CLEC19A: variants seen among roughly 807,000 people sequenced by gnomAD.
CLEC19A encodes C-type lectin domain family 19 member A.
In CLEC19A, 21 loss-of-function variants were observed where a neutral mutation model predicts 26.1. That is an observed-to-expected ratio of 0.80 (90% confidence interval 0.57 to 1.16). The LOEUF (loss-of-function observed/expected upper bound fraction) is 1.16. Ranked by LOEUF, CLEC19A falls within the 50% of genes most tolerant of loss-of-function variation. CLEC19A has a pLI of 0.00. For synonymous variants in CLEC19A, 89 were observed against 88.6 expected, an observed-to-expected ratio of 1.00 and a Z score of -0.03; for missense variants, 224 against 227.6, an observed-to-expected ratio of 0.98 and a Z score of 0.10.
At chr16:19,294,491 C>G (rs1384448580) in intron 1 of CLEC19A, among the ~76,000 whole-genome samples, 1 of 152,188 alleles carries the variant, frequency 6.6e-6, no homozygotes, top group Non-Finnish European at 1.5e-5. Context: ...AAACTTGAAC[C>G]CTTTCTTAGT....
chr16:19,287,456 G>C (rs1444260030), intron 1 of CLEC19A, among the ~76,000 whole-genome samples: 1 of 152,194 alleles, frequency 6.6e-6, no homozygotes, highest in East Asian at 1.9e-4. Flanking sequence ...TATGAATTGG[G>C]GGCAGGGAAG....
chr16:19,300,572 G>A (rs932005179), intron 2 of CLEC19A, among the ~76,000 whole-genome samples: 9 of 151,502 alleles, frequency 5.9e-5, no homozygotes, highest in African/African-American at 1.7e-4. Flanking sequence ...AATAGAGAAG[G>A]AGTATTTTAT....
chr16:19,308,668 A>C (rs1324568094), intron 4 of CLEC19A, among the ~76,000 whole-genome samples: 1 of 152,194 alleles, frequency 6.6e-6, no homozygotes, highest in Non-Finnish European at 1.5e-5. Flanking sequence ...CCAGACACTT[A>C]ATTGTTATTC....
At chr16:19,305,762 G>A (rs1195940001) in intron 3 of CLEC19A, among the ~76,000 whole-genome samples, 1 of 152,196 alleles carries the variant, frequency 6.6e-6, no homozygotes, top group Non-Finnish European at 1.5e-5. Flanking sequence ...AACTCATTAA[G>A]GATGATGAAT....
At chr16:19,301,736 G>GTTTTTTTTGTTTTT (rs1897829512) in intron 2 of CLEC19A, among the ~76,000 whole-genome samples, 2 of 81,496 alleles carry the variant, frequency 2.5e-5, no homozygotes, top group Admixed American at 1.5e-4. Context: ...GGTTTTTTTG[G>GTTTTTTTTGTTTTT]TTTTTTTTTT....
intron 2 of CLEC19A, among the ~76,000 whole-genome samples, chr16:19,303,544 C>T (rs1483099061): frequency 1.3e-5 from 2 of 152,120 alleles, no homozygotes; most frequent in Non-Finnish European, 2.9e-5. Context: ...TGAGGGACTT[C>T]GTTTTGCTAA....
In CLEC19A at chr16:19,301,763, TTG is replaced by T. The variant is rs1567255509; in HGVS notation, c.255-2297_255-2296del. 3.0e-3 allele frequency among the ~76,000 whole-genome samples: 418 copies of T among 138,090 alleles called. 10 individuals carry two copies. Among genetic ancestry groups the T allele is most frequent in the African/African-American group, 9.5e-3 (339 of 35,498 alleles). The allele number at this position is 138,090 out of a possible 152,430, so 90.6% of individuals were successfully genotyped here. On this transcript the variant is annotated intron_variant, in intron 2 of 4. Coordinates refer to ENST00000636231, the MANE Select transcript of CLEC19A (RefSeq NM_001256720.2). The stretch of plus-strand genomic sequence containing the variant: ...TTTTTTTTTTTTTTTTTTTTTTTTT[TTG>T]TATTTTTAGCAGAGACGGAGTTTCA...
intron 1 of CLEC19A, among the ~76,000 whole-genome samples, chr16:19,290,835 T>TTTTC (rs1161325022): frequency 6.6e-6 from 1 of 151,998 alleles, no homozygotes; most frequent in Non-Finnish European, 1.5e-5. Context: ...TCCTTTTTCT[T>TTTTC]TTTCTTTCTT....
chr16:19,305,757 A>T lies in CLEC19A; in HGVS notation c.348+1602A>T, dbSNP rs1252995948. 8.5e-5 allele frequency among the ~76,000 whole-genome samples: 13 copies of T among 152,338 alleles called. No homozygotes were observed. In the East Asian group the frequency reaches 2.5e-3, roughly 29 times the overall value. On this transcript the variant is annotated intron_variant, in intron 3 of 4. Transcript: ENST00000636231. ...GGTGCTTAGCATATTATAGGAACTCATTAAGGATGATGAATATTGCTCTTA... is the reference window on the plus strand; with the variant it reads ...GGTGCTTAGCATATTATAGGAACTCTTTAAGGATGATGAATATTGCTCTTA...
intron 1 of CLEC19A, among the ~76,000 whole-genome samples, chr16:19,296,623 G>A (rs776646227): frequency 6.6e-6 from 1 of 152,144 alleles, no homozygotes; most frequent in Non-Finnish European, 1.5e-5. Context: ...GGAAGCCTAG[G>A]TTCAAATCCT....
chr16:19,304,130 G>C lies in CLEC19A; in HGVS notation c.323G>C (p.Trp108Ser), dbSNP rs1897895193. The change falls in exon 3 of 5, where the codon TGG becomes TCG. Residue 108 changes from tryptophan (W) to serine (S), a missense_variant. Trp to Ser is a radical substitution (Grantham distance 177, BLOSUM62 -3). Coordinates refer to ENST00000636231, the MANE Select transcript of CLEC19A (RefSeq NM_001256720.2). ...SCVPGIPADV[W>S]TGLHDHRQEG... ...GTTCCCGGCATCCCAGCTGACGTCT[G>C]GACAGGCCTTCATGATCACAGACAG... 1.3e-6 allele frequency: 2 copies of C among 1,550,490 alleles called. No individual in the cohort carries two copies. Among genetic ancestry groups the C allele is most frequent in the African/African-American group, 2.7e-5 (2 of 73,036 alleles).
chr16:19,298,552 C>T (rs905087217), intron 1 of CLEC19A, 121 bp from the exon 2 acceptor site: 80 of 1,056,006 alleles, frequency 7.6e-5, no homozygotes, highest in Admixed American at 6.8e-4. Context: ...GGCAACAGAA[C>T]GAGACCCTGT....
At chr16:19,307,721 G>A (rs1897986991) in intron 4 of CLEC19A, 44 bp downstream of exon 4, 2 of 1,544,660 alleles carry the variant, frequency 1.3e-6, no homozygotes, top group African/African-American at 1.4e-5. Context: ...GAGCCCAGGA[G>A]GTGTCACAGG....
At chr16:19,304,683 A>G (rs1897913247) in intron 3 of CLEC19A, among the ~76,000 whole-genome samples, 1 of 151,294 alleles carries the variant, frequency 6.6e-6, no homozygotes, top group South Asian at 2.1e-4. Flanking sequence ...CCTGGGTGAC[A>G]GAGCAAGACT....
intron 3 of CLEC19A, among the ~76,000 whole-genome samples, chr16:19,305,622 T>TA (rs1461306317): frequency 1.3e-5 from 2 of 152,284 alleles, no homozygotes; most frequent in Admixed American, 6.5e-5. Context: ...TGTGCAAATT[T>TA]AAAAAACCTC....
At chr16:19,301,860 G>C (rs1276151219) in intron 2 of CLEC19A, among the ~76,000 whole-genome samples, 1 of 149,102 alleles carries the variant, frequency 6.7e-6, no homozygotes, top group Non-Finnish European at 1.5e-5. Flanking sequence ...TAAAGTGCTG[G>C]GATTATAGGC....
intron 1 of CLEC19A, among the ~76,000 whole-genome samples, chr16:19,297,324 C>A (rs1897725322): frequency 1.3e-5 from 2 of 152,156 alleles, no homozygotes; most frequent in South Asian, 2.1e-4. Flanking sequence ...ACAAGATACC[C>A]TTTTTTTGCT....
At chr16:19,298,243 C>CAAAAAAAA in intron 1 of CLEC19A, among the ~76,000 whole-genome samples, 1 of 127,454 alleles carries the variant, frequency 7.8e-6, no homozygotes, top group Non-Finnish European at 1.6e-5. Context: ...AACTCAATCT[C>CAAAAAAAA]AAAAAAAAAA....
rs1356342212 is a variant in CLEC19A at position 19,309,129 on chromosome 16, G to T, written c.*46G>T. 3 of 1,388,532 alleles carry T rather than the reference G, an allele frequency of 2.2e-6. No individual in the cohort carries two copies. The highest frequency in any genetic ancestry group is 3.0e-6 in the Non-Finnish European group (3 of 1,001,004). The allele number at this position is 1,388,532 out of a possible 1,614,324, so 86.0% of individuals were successfully genotyped here. ...GTGAGCTCAACTCTAGTATCATCTT[G>T]TAGCTGTAACCAGTGTAGAATTGAC... On this transcript the variant is annotated 3_prime_UTR_variant, in exon 5 of 5. Transcript: ENST00000636231.
Sources: gnomAD v4.1 joint callset for allele counts (sites outside exome capture counted in the v4.1 genomes callset) on GRCh38, gnomAD v4.1.1 for gene constraint, MANE v1.5 for transcripts, NCBI Gene and HGNC (gene_info 2026-07-23, HGNC 2026-07-21) for gene names.